INSC: variants seen among roughly 807,000 people sequenced by gnomAD.
INSC encodes protein inscuteable homolog.
A neutral mutation model predicts 58.6 loss-of-function variants in INSC; 67 were observed. The observed-to-expected ratio is 1.14, with a 90% CI of 0.94 to 1.40. The LOEUF (loss-of-function observed/expected upper bound fraction) is 1.40. Ranked by LOEUF, INSC falls within the 40% of genes most tolerant of loss-of-function variation. The probability of loss-of-function intolerance (pLI) is 0.00; values close to 1 mark genes in which losing one functional copy is unlikely to be tolerated. For missense variants in INSC, 714 were observed against 692.0 expected (o/e 1.03, Z -0.36); for synonymous variants, 262 against 276.1 (o/e 0.95, Z 0.51).
chr11:15,126,960 C>T (rs1435526795), intron 1 of INSC, among the ~76,000 whole-genome samples: 1 of 152,190 alleles, frequency 6.6e-6, no homozygotes, highest in African/African-American at 2.4e-5. Context: ...GGCCTGTGAC[C>T]AGTTTCTATC....
At chr11:15,265,451 A>G in the INSC span, among the ~76,000 whole-genome samples, 1 of 152,176 alleles carries the variant, frequency 6.6e-6, no homozygotes, top group East Asian at 1.9e-4. Flanking sequence ...GAAGATTTTT[A>G]GAAGTACCAA....
rs1339243480 is a variant in INSC, at chr11:15,240,479, C to T, written c.1426C>T (p.Pro476Ser). The stretch of plus-strand genomic sequence containing the variant: ...CCGTCTCATCGAGCTCTGCAGATCC[C>T]CATCAGAGAGGAACAGCAGTGACGC... ...MSRLIELCRSPSERNSSDAVL... is the reference protein window; with the variant it reads ...MSRLIELCRSSSERNSSDAVL... Residue 476 changes from proline to serine, a missense_variant, in exon 12 of 13, where the codon CCA becomes TCA. Coordinates refer to ENST00000379556, the MANE Select transcript of INSC (RefSeq NM_001042536.3). 1 of 1,613,938 alleles carries T rather than the reference C, an allele frequency of 6.2e-7. No homozygotes were observed. The highest frequency in any genetic ancestry group is 1.1e-5 in the South Asian group (1 of 91,022).
intron 5 of INSC, among the ~76,000 whole-genome samples, chr11:15,189,273 G>C (rs1850078855): frequency 6.6e-6 from 1 of 152,148 alleles, no homozygotes; most frequent in Non-Finnish European, 1.5e-5. Flanking sequence ...CTTCCACCTG[G>C]CAGGTACCTT....
chr11:15,226,820 A>T (rs1394210514), intron 9 of INSC, among the ~76,000 whole-genome samples: 1 of 129,108 alleles, frequency 7.7e-6, no homozygotes, highest in Non-Finnish European at 1.7e-5. Flanking sequence ...TAATGAGGTT[A>T]TTCCTCTTAA....
intron 9 of INSC, among the ~76,000 whole-genome samples, chr11:15,227,092 A>G (rs1216012845): frequency 1.3e-5 from 2 of 152,228 alleles, no homozygotes; most frequent in Non-Finnish European, 2.9e-5. Flanking sequence ...ATAGATAAGA[A>G]TATTTTGGCT....
Position 15,174,638 on chromosome 11 carries a change from A to G in INSC, c.57-1103A>G, listed in dbSNP as rs186676624. On this transcript the variant is annotated intron_variant, in intron 2 of 12. Coordinates refer to ENST00000379556, the MANE Select transcript of INSC (RefSeq NM_001042536.3). Reference sequence around the variant, plus strand: ...ATCAGAATACTGTTACAAGCCAAAGACAAAGGAACTTGCACTCAGCCTTAG... The same window carrying G: ...ATCAGAATACTGTTACAAGCCAAAGGCAAAGGAACTTGCACTCAGCCTTAG... Among the ~76,000 whole-genome samples, 414 of 152,342 alleles carry G rather than the reference A, an allele frequency of 2.7e-3. 3 individuals are homozygous for G. The highest frequency in any genetic ancestry group is 9.2e-3 in the African/African-American group (381 of 41,570).
chr11:15,223,069 G>GTGT (rs1231590761), intron 8 of INSC, among the ~76,000 whole-genome samples: 1 of 152,202 alleles, frequency 6.6e-6, no homozygotes, highest in African/African-American at 2.4e-5. Flanking sequence ...AAGAATAAAG[G>GTGT]TGTTTGAGTC....
the INSC span, among the ~76,000 whole-genome samples, chr11:15,269,199 G>A: frequency 6.6e-6 from 1 of 151,846 alleles, no homozygotes; most frequent in Non-Finnish European, 1.5e-5. Flanking sequence ...CCTTCCAGGT[G>A]CTCAAACATT....
chr11:15,222,122 A>G (rs1851466065), intron 8 of INSC, among the ~76,000 whole-genome samples: 2 of 152,176 alleles, frequency 1.3e-5, no homozygotes, highest in African/African-American at 4.8e-5. Context: ...CATTGGCCTC[A>G]TATCATGGGG....
chr11:15,198,091 C>A (rs970801856), intron 6 of INSC, among the ~76,000 whole-genome samples: 1 of 152,162 alleles, frequency 6.6e-6, no homozygotes, highest in Non-Finnish European at 1.5e-5. Context: ...TCTCTCCTCT[C>A]ACATATCCTA....
chr11:15,177,241 A>T (rs1383922842), intron 4 of INSC, 78 bp downstream of exon 4: 13 of 1,113,668 alleles, frequency 1.2e-5, no homozygotes, highest in South Asian at 2.5e-5. Flanking sequence ...CTTCTCCCAG[A>T]GGGAGAATGG....
chr11:15,206,597 G>A (rs888044048), intron 7 of INSC, among the ~76,000 whole-genome samples: 10 of 152,298 alleles, frequency 6.6e-5, no homozygotes, highest in Admixed American at 6.5e-4. Context: ...GATGAACCCA[G>A]CCTGGTCAGG....
intron 9 of INSC, among the ~76,000 whole-genome samples, 165 bp downstream of exon 9, chr11:15,225,993 CCT>C (rs1188936641): frequency 6.6e-6 from 1 of 152,116 alleles, no homozygotes; most frequent in Non-Finnish European, 1.5e-5. Flanking sequence ...GACTTTGTAG[CCT>C]CTCTATGAGA....
chr11:15,118,116 A>G (rs188272644), intron 1 of INSC, among the ~76,000 whole-genome samples: 1 of 152,166 alleles, frequency 6.6e-6, no homozygotes, highest in East Asian at 1.9e-4. Context: ...GGAACACAAC[A>G]TCTCTGATCA....
At chr11:15,199,727 C>T (rs1322024709) in intron 6 of INSC, among the ~76,000 whole-genome samples, 2 of 152,130 alleles carry the variant, frequency 1.3e-5, no homozygotes, top group Non-Finnish European at 2.9e-5. Context: ...AAGGCGAGTG[C>T]CCTGAGGGAC....
chr11:15,152,183 G>T (rs1178421311), intron 2 of INSC, among the ~76,000 whole-genome samples: 1 of 152,152 alleles, frequency 6.6e-6, no homozygotes, highest in Non-Finnish European at 1.5e-5. Context: ...ACCATCTTTA[G>T]GATCAATGCC....
intron 2 of INSC, among the ~76,000 whole-genome samples, chr11:15,151,223 G>A (rs1236411845): frequency 2.0e-5 from 3 of 152,154 alleles, no homozygotes; most frequent in Non-Finnish European, 4.4e-5. Context: ...ATTCTCATAG[G>A]AGCGCGAACC....
At chr11:15,258,883 A>G in the INSC span, among the ~76,000 whole-genome samples, 4 of 152,198 alleles carry the variant, frequency 2.6e-5, no homozygotes, top group African/African-American at 9.6e-5. Flanking sequence ...TCACTATTCT[A>G]TGATAGTCTC....
At chr11:15,260,770 C>A in the INSC span, among the ~76,000 whole-genome samples, 1 of 152,066 alleles carries the variant, frequency 6.6e-6, no homozygotes, top group Admixed American at 6.6e-5. Flanking sequence ...AGTCCTGGAG[C>A]CAGATGCATA....
Sources: gnomAD v4.1 joint callset for allele counts (sites outside exome capture counted in the v4.1 genomes callset) on GRCh38, gnomAD v4.1.1 for gene constraint, MANE v1.5 for transcripts, NCBI Gene and HGNC (gene_info 2026-07-23, HGNC 2026-07-21) for gene names.